The following NELL1 variants were observed in gnomAD, a reference collection of about 807,000 sequenced individuals.
NELL1 encodes the protein protein kinase C-binding protein NELL1.
In NELL1, 76 loss-of-function variants were observed where a neutral mutation model predicts 107.4. The ratio of observed to expected loss-of-function variants is 0.71; its 90% CI spans 0.59 to 0.86. NELL1 has a LOEUF of 0.86. NELL1 is among the 40% of genes least tolerant of loss of function. NELL1 has a pLI of 0.00. For missense variants in NELL1, 1,024 were observed against 1,005.5 expected (o/e 1.02, Z -0.25); for synonymous variants, 353 against 341.2 (o/e 1.03, Z -0.38).
intron 7 of NELL1, among the ~76,000 whole-genome samples, chr11:20,923,771 C>G (rs1470596020): frequency 6.6e-6 from 1 of 152,164 alleles, no homozygotes; most frequent in South Asian, 2.1e-4. Flanking sequence ...CTTGTGACAT[C>G]TTTAATTTTG....
rs549130804 is a variant in NELL1, at chr11:21,364,360, G to A, written c.1550-6493G>A. The stretch of plus-strand genomic sequence containing the variant: ...CATGAGACAGAGGTTGCAGTGAGCC[G>A]AGATCACACCATGGCATTCCAGCCT... On this transcript the variant is annotated intron_variant, in intron 14 of 19. Transcript: ENST00000357134. 6.8e-3 allele frequency among the ~76,000 whole-genome samples: 847 copies of A among 123,790 alleles called. 7 individuals carry two copies. Among genetic ancestry groups the A allele is most frequent in the African/African-American group, 0.026 (780 of 30,580 alleles). The allele number at this position is 123,790 out of a possible 152,430, so 81.2% of individuals were successfully genotyped here.
At chr11:21,422,884 T>C (rs142107748) in intron 15 of NELL1, among the ~76,000 whole-genome samples, 2 of 152,076 alleles carry the variant, frequency 1.3e-5, no homozygotes, top group South Asian at 2.1e-4. Context: ...AATCAAGAGA[T>C]AGAGATGGGC....
At chr11:21,137,807 G>A (rs1041618028) in intron 13 of NELL1, among the ~76,000 whole-genome samples, 6 of 152,192 alleles carry the variant, frequency 3.9e-5, no homozygotes, top group Non-Finnish European at 8.8e-5. Context: ...GTCCAAGCCG[G>A]AAGAGGGGGT....
At chr11:20,935,625 T>G (rs998571236) in intron 9 of NELL1, 1 of 152,314 alleles carries the variant, frequency 6.6e-6, no homozygotes, top group South Asian at 2.1e-4. Context: ...GGCCTCATGT[T>G]TGCACTTAAA....
At chr11:21,241,040 A>T (rs934862262) in intron 14 of NELL1, among the ~76,000 whole-genome samples, 7 of 152,020 alleles carry the variant, frequency 4.6e-5, no homozygotes, top group African/African-American at 1.7e-4. Context: ...ATCTGAAATG[A>T]CCCATAAGAT....
At chr11:20,680,212 A>T (rs1854156484) in intron 2 of NELL1, among the ~76,000 whole-genome samples, 1 of 152,112 alleles carries the variant, frequency 6.6e-6, no homozygotes, top group South Asian at 2.1e-4. Context: ...ACATAATTAT[A>T]GATTCTGTCA....
At chr11:21,332,100 C>G (rs1850285143) in intron 14 of NELL1, among the ~76,000 whole-genome samples, 2 of 152,060 alleles carry the variant, frequency 1.3e-5, no homozygotes, top group Non-Finnish European at 2.9e-5. Flanking sequence ...TTCAACTGGA[C>G]TCTCAGCTCT....
intron 15 of NELL1, among the ~76,000 whole-genome samples, chr11:21,399,100 C>T (rs1181472170): frequency 6.6e-6 from 1 of 151,738 alleles, no homozygotes; most frequent in African/African-American, 2.4e-5. Context: ...TCTCCAAACA[C>T]TTCTCTTGAC....
chr11:21,450,482 C>T (rs144858300), intron 15 of NELL1, among the ~76,000 whole-genome samples: 347 of 152,278 alleles, frequency 2.3e-3, no homozygotes, highest in African/African-American at 7.9e-3. Flanking sequence ...TGAGGTATAA[C>T]GTTGTATAAT....
intron 12 of NELL1, among the ~76,000 whole-genome samples, chr11:20,975,818 A>ATACATATATG (rs1851604599): frequency 4.7e-5 from 6 of 128,586 alleles, no homozygotes; most frequent in African/African-American, 1.9e-4. Context: ...CATATTATAT[A>ATACATATATG]TGTATTATAT....
At chr11:21,186,121 A>G (rs12575552) in intron 13 of NELL1, among the ~76,000 whole-genome samples, 18,548 of 151,804 alleles carry the variant, frequency 0.12, 1,718 homozygotes, top group East Asian at 0.48. Flanking sequence ...AATGAAAGGA[A>G]AAGTCTGATT....
At chr11:21,106,677 T>G (rs1296680143) in intron 12 of NELL1, among the ~76,000 whole-genome samples, 1 of 152,142 alleles carries the variant, frequency 6.6e-6, no homozygotes, top group Non-Finnish European at 1.5e-5. Flanking sequence ...AAGAAAGACT[T>G]GATTTCTTTG....
chr11:21,554,701 G>A (rs1856665735), intron 16 of NELL1, among the ~76,000 whole-genome samples: 1 of 151,802 alleles, frequency 6.6e-6, no homozygotes. Flanking sequence ...TTACCCAAAT[G>A]ATTCTATGGA....
chr11:21,451,473 T>C (rs1252777202), intron 15 of NELL1, among the ~76,000 whole-genome samples: 1 of 152,110 alleles, frequency 6.6e-6, no homozygotes, highest in Non-Finnish European at 1.5e-5. Context: ...TATCCAAATA[T>C]ATGGAGTATT....
chr11:20,750,341 T>C (rs1856104258), intron 2 of NELL1, among the ~76,000 whole-genome samples: 1 of 152,086 alleles, frequency 6.6e-6, no homozygotes, highest in Admixed American at 6.5e-5. Context: ...ATAGATGCAT[T>C]GCAGGTACTT....
chr11:21,487,223 G>A (rs542385052), intron 15 of NELL1, among the ~76,000 whole-genome samples: 3 of 152,280 alleles, frequency 2.0e-5, no homozygotes, highest in South Asian at 2.1e-4. Flanking sequence ...CAAGAGAAAA[G>A]CATCTAGTCA....
rs564768352 is a variant in NELL1 at position 21,222,881 on chromosome 11, G to T, written c.1427-6451G>T. Among the ~76,000 whole-genome samples the T allele has an allele frequency of 3.6e-4, 55 of 151,736 alleles. No individual in the cohort carries two copies. In the South Asian group the frequency reaches 0.011, roughly 31 times the overall value. ...AAGTTCCTCTTGGTATTGATTTCTA[G>T]TTTTGTTCCATTGTGGTCTGTGAAG... On this transcript the variant is annotated intron_variant, in intron 13 of 19. Transcript: ENST00000357134.
chr11:20,818,036 C>T lies in NELL1; in HGVS notation c.336-29547C>T, dbSNP rs554420844. 5.9e-5 allele frequency among the ~76,000 whole-genome samples: 9 copies of T among 152,114 alleles called. No homozygotes were observed. In the East Asian group the frequency reaches 1.2e-3, roughly 20 times the overall value. Reference sequence around the variant, plus strand: ...GTGGTTGATCTTAGAGAATGTCTCACGTGCAGATGAGAAAAATGTATATTC... The same window carrying T: ...GTGGTTGATCTTAGAGAATGTCTCATGTGCAGATGAGAAAAATGTATATTC... On this transcript the variant is annotated intron_variant, in intron 3 of 19. Transcript: ENST00000357134.
chr11:21,542,644 C>A (rs1419737938), intron 16 of NELL1, among the ~76,000 whole-genome samples: 1 of 151,912 alleles, frequency 6.6e-6, no homozygotes, highest in Non-Finnish European at 1.5e-5. Context: ...TCATTACCTT[C>A]TTTGCATTTC....
Sources: allele counts gnomAD v4.1 joint callset (sites outside exome capture counted in the v4.1 genomes callset), GRCh38; gene constraint gnomAD v4.1.1; transcripts MANE v1.5; gene names NCBI Gene and HGNC (gene_info 2026-07-23, HGNC 2026-07-21).